Variants in TADA2B observed in about 807,000 individuals in gnomAD.
The protein encoded by TADA2B is transcriptional adapter 2-beta.
Under a neutral mutation model 34.5 loss-of-function variants are expected in TADA2B, and 13 were observed. The ratio of observed to expected loss-of-function variants is 0.38; its 90% CI spans 0.25 to 0.60. The LOEUF (loss-of-function observed/expected upper bound fraction) is 0.60, where lower values mean the gene tolerates loss of function less well. TADA2B is among the 20% of genes least tolerant of loss of function. The pLI is 0.65. For missense variants in TADA2B, 442 were observed against 575.0 expected, an observed-to-expected ratio of 0.77 and a Z score of 2.37; for synonymous variants, 240 against 243.4, an observed-to-expected ratio of 0.99 and a Z score of 0.13.
At position 7,055,736 on chromosome 4, in the gene TADA2B, G is replaced by C. The variant is rs987545438; in HGVS notation, c.*682G>C. 1 of 152,256 alleles carries C rather than the reference G, an allele frequency of 6.6e-6. No homozygotes were observed. 9.4% of individuals were successfully genotyped at this position (152,256 alleles called of 1,614,324 possible). The stretch of plus-strand genomic sequence containing the variant: ...TCCCAAACCCCAAAGCTGACCCTGC[G>C]CCCCATTTGAATACGGCCAGAGCCT... On this transcript the variant is annotated 3_prime_UTR_variant, in exon 2 of 2. Transcript: ENST00000310074.
chr4:7,043,498 G>T lies in TADA2B; in HGVS notation c.-82G>T, dbSNP rs1054493502. ...GTTGCTCGTGCGCGGCGGCGGCGGC[G>T]GGTCCCGCGGGCGGCGGGGCGCTGA... On this transcript the variant is annotated 5_prime_UTR_variant, in exon 1 of 2. Coordinates refer to ENST00000310074, the MANE Select transcript of TADA2B (RefSeq NM_152293.3). The T allele has an allele frequency of 1.8e-3, 1,637 of 889,126 alleles. 6 individuals are homozygous for T. Among genetic ancestry groups the T allele is most frequent in the Non-Finnish European group, 2.1e-3 (1,561 of 745,582 alleles). 55.1% of individuals were successfully genotyped at this position (889,126 alleles called of 1,614,324 possible).
chr4:7,056,812 C>T lies in TADA2B; in HGVS notation c.*1758C>T, dbSNP rs1421907465. 2.0e-5 allele frequency: 3 copies of T among 152,178 alleles called. No homozygotes were observed. Among genetic ancestry groups the T allele is most frequent in the Non-Finnish European group, 4.4e-5 (3 of 68,022 alleles). The allele number at this position is 152,178 out of a possible 1,614,324, so 9.4% of individuals were successfully genotyped here. A position where few individuals can be genotyped will look rare whatever the true frequency, so the allele number is the denominator to read the frequency against. ...ATGACAGAAAGCTTATGCTGTCTAC[C>T]ACTGAACAGTGATGGAGATGGTGCT... On this transcript the variant is annotated 3_prime_UTR_variant, in exon 2 of 2. Coordinates refer to ENST00000310074, the MANE Select transcript of TADA2B (RefSeq NM_152293.3).
At chr4:7,053,679 C>G (rs1038338179) in intron 1 of TADA2B, 14 of 186,356 alleles carry the variant, frequency 7.5e-5, no homozygotes, top group Non-Finnish European at 1.5e-4. Flanking sequence ...TTCAGACAGC[C>G]CCTGAGTGCA....
Position 7,054,433 on chromosome 4 carries a change from A to G in TADA2B, c.642A>G (p.Lys214=), listed in dbSNP as rs1723841345. 1 of 1,613,624 alleles carries G rather than the reference A, an allele frequency of 6.2e-7. No individual in the cohort carries two copies. Among genetic ancestry groups the G allele is most frequent in the African/African-American group, 1.3e-5 (1 of 74,934 alleles). ...TGGACATGTACGTGCGGAAGCTGAA[A>G]GAGAGACAGCGGCGGAAGAACATCG... ...AHVDMYVRKL[K]ERQRRKNIAR... Residue 214 remains lysine (K), a synonymous_variant, in exon 2 of 2, where the codon AAA becomes AAG. Transcript: ENST00000310074.
Position 7,052,439 on chromosome 4 carries a change from C to T in TADA2B, c.271-1623C>T, listed in dbSNP as rs534850270. ...ATTGCGGTTCCTGGGGCTCCCTGGC[C>T]CCAAGGTTGTCGGGGAAGAGCATGA... On this transcript the variant is annotated intron_variant, in intron 1 of 1. Transcript: ENST00000310074. Among the ~76,000 whole-genome samples, 70 of 152,324 alleles carry T rather than the reference C, an allele frequency of 4.6e-4. 1 individual carries two copies. The highest frequency in any genetic ancestry group is 4.4e-3 in the South Asian group (21 of 4,824).
At chr4:7,048,622 T>A (rs2108784171) in intron 1 of TADA2B, among the ~76,000 whole-genome samples, 1 of 152,326 alleles carries the variant, frequency 6.6e-6, no homozygotes, top group Non-Finnish European at 1.5e-5. Context: ...TAACCGTTTT[T>A]AAGTGTCTGG....
In TADA2B at chr4:7,055,145, CTTTTTTAAACAAA is replaced by C. The variant is rs1409235215; in HGVS notation, c.*94_*106del. The stretch of plus-strand genomic sequence containing the variant: ...GGGGAGCCGCTTCCCCACTGTTGCT[CTTTTTTAAACAAA>C]TTGAGTTCCTTTTTTTAAGATAGAA... On this transcript the variant is annotated 3_prime_UTR_variant, in exon 2 of 2. Coordinates refer to ENST00000310074, the MANE Select transcript of TADA2B (RefSeq NM_152293.3). 7.6e-7 allele frequency: 1 copy of C among 1,307,632 alleles called. No homozygotes were observed. 81.0% of individuals were successfully genotyped at this position (1,307,632 alleles called of 1,614,324 possible).
intron 1 of TADA2B, among the ~76,000 whole-genome samples, chr4:7,050,160 C>T (rs1208790390): frequency 1.3e-5 from 2 of 152,266 alleles, no homozygotes; most frequent in Admixed American, 1.3e-4. Context: ...GTGGGCTCGG[C>T]TTGGAGCCCT....
At position 7,054,239 on chromosome 4, in the gene TADA2B, C is replaced by G; in HGVS notation, c.448C>G (p.Pro150Ala). 1 of 1,608,882 alleles carries G rather than the reference C, an allele frequency of 6.2e-7. No individual in the cohort carries two copies. Among genetic ancestry groups the G allele is most frequent in the Non-Finnish European group, 8.5e-7 (1 of 1,177,822 alleles). The change falls in exon 2 of 2, where the codon CCG (proline) becomes GCG (alanine). Residue 150 changes from proline (P) to alanine (A), a missense_variant. Physicochemically the swap from Pro to Ala is conservative, Grantham distance 27. Transcript: ENST00000310074. ...GGPLSPSLTT[P>A]LPPLDISVAE... ...CCCCCTCTCACCCAGCCTCACCACC[C>G]CGCTGCCCCCGCTGGACATCTCTGT...
intron 1 of TADA2B, among the ~76,000 whole-genome samples, chr4:7,052,185 G>C (rs1723788327): frequency 6.6e-6 from 1 of 152,244 alleles, no homozygotes; most frequent in African/African-American, 2.4e-5. Flanking sequence ...AGCTGGTGTC[G>C]AGGGCTGGAG....
rs750360496 is a variant in TADA2B at position 7,054,379 on chromosome 4, C to T, written c.588C>T (p.Asp196=). 3 of 1,613,548 alleles carry T rather than the reference C, an allele frequency of 1.9e-6. No homozygotes were observed. Among genetic ancestry groups the T allele is most frequent in the South Asian group, 1.1e-5 (1 of 91,080 alleles). The change falls in exon 2 of 2, where the codon GAC becomes GAT. Residue 196 remains aspartate (D), a synonymous_variant. Coordinates refer to ENST00000310074, the MANE Select transcript of TADA2B (RefSeq NM_152293.3). ...TCTCTGTCAACTATGATGACGACGA[C>T]GTGGAGATCGAGCTGAAGCGCGCCC... is the stretch of plus-strand genomic sequence containing the variant. ...SGLSVNYDDD[D]VEIELKRAHV... is the part of the protein sequence containing the mutation.
intron 1 of TADA2B, among the ~76,000 whole-genome samples, chr4:7,044,565 C>A (rs977442594): frequency 6.6e-6 from 1 of 152,176 alleles, no homozygotes; most frequent in Non-Finnish European, 1.5e-5. Flanking sequence ...ACATCGTGTG[C>A]TAGGTTCTGT....
rs1723932243 is a variant in TADA2B, at chr4:7,057,892, AC to A, written c.*2839del. On this transcript the variant is annotated 3_prime_UTR_variant, in exon 2 of 2. Coordinates refer to ENST00000310074, the MANE Select transcript of TADA2B (RefSeq NM_152293.3). Reference sequence around the variant, plus strand: ...CCAACATCCCAAGAATGTATTAAAAACAGCAACCCTGCCTACCGTTTTGATG... The same window carrying A: ...CCAACATCCCAAGAATGTATTAAAAAAGCAACCCTGCCTACCGTTTTGATG... 2.7e-5 allele frequency: 2 copies of A among 74,930 alleles called. No homozygotes were observed. The highest frequency in any genetic ancestry group is 7.5e-5 in the Non-Finnish European group (2 of 26,550). 4.6% of individuals were successfully genotyped at this position (74,930 alleles called of 1,614,324 possible).
At chr4:7,050,089 G>A (rs903249889) in intron 1 of TADA2B, among the ~76,000 whole-genome samples, 1 of 152,278 alleles carries the variant, frequency 6.6e-6, no homozygotes, top group African/African-American at 2.4e-5. Flanking sequence ...ACGCTTCTGC[G>A]GAGTGGCCAG....
In TADA2B at chr4:7,054,430, G is replaced by T. The variant is rs538574410; in HGVS notation, c.639G>T (p.Leu213=). Residue 213 remains leucine, a synonymous_variant, in exon 2 of 2, where the codon CTG becomes CTT. Transcript: ENST00000310074. ...RAHVDMYVRK[L]KERQRRKNIA... is the part of the protein sequence containing the mutation. ...ACGTGGACATGTACGTGCGGAAGCT[G>T]AAAGAGAGACAGCGGCGGAAGAACA... 1.2e-6 allele frequency: 2 copies of T among 1,613,748 alleles called. No homozygotes were observed. Among genetic ancestry groups the T allele is most frequent in the South Asian group, 2.2e-5 (2 of 91,092 alleles).
intron 1 of TADA2B, among the ~76,000 whole-genome samples, chr4:7,047,296 G>T (rs1284982584): frequency 6.6e-6 from 1 of 152,222 alleles, no homozygotes; most frequent in African/African-American, 2.4e-5. Flanking sequence ...CTCTGCAGGT[G>T]GTGGTCAGGA....
At chr4:7,049,413 G>A (rs990196607) in intron 1 of TADA2B, among the ~76,000 whole-genome samples, 2 of 152,232 alleles carry the variant, frequency 1.3e-5, no homozygotes, top group Non-Finnish European at 2.9e-5. Context: ...CCACAGTGAG[G>A]AATGCCACTT....
intron 1 of TADA2B, among the ~76,000 whole-genome samples, chr4:7,046,814 T>TG (rs1723643053): frequency 6.6e-6 from 1 of 152,148 alleles, no homozygotes; most frequent in Admixed American, 6.5e-5. Flanking sequence ...GTTGTACAAC[T>TG]ACATGTGGGA....
intron 1 of TADA2B, among the ~76,000 whole-genome samples, chr4:7,046,812 A>G (rs994702834): frequency 2.0e-5 from 3 of 152,260 alleles, no homozygotes; most frequent in Non-Finnish European, 4.4e-5. Context: ...GGGTTGTACA[A>G]CTACATGTGG....
Sources: allele counts gnomAD v4.1 joint callset (sites outside exome capture counted in the v4.1 genomes callset), GRCh38; gene constraint gnomAD v4.1.1; transcripts MANE v1.5; gene names NCBI Gene and HGNC (gene_info 2026-07-23, HGNC 2026-07-21).